The following OTOG variants were observed in gnomAD, a reference collection of about 807,000 sequenced individuals.
OTOG encodes otogelin.
Under a neutral mutation model 313.8 loss-of-function variants are expected in OTOG, and 296 were observed. The observed-to-expected ratio is 0.94, with a 90% CI of 0.86 to 1.04. OTOG has a LOEUF of 1.04. Ranked by LOEUF, OTOG falls within the 50% of genes least tolerant of loss-of-function variation. OTOG has a pLI of 0.00. For synonymous variants in OTOG, 1,533 were observed against 1,554.9 expected (o/e 0.99, Z 0.33); for missense variants, 3,948 against 3,840.1 (o/e 1.03, Z -0.74).
At chr11:17,634,812 G>A (rs914866258) in intron 44 of OTOG, 32 bp from the exon 45 acceptor site, 10 of 1,529,844 alleles carry the variant, frequency 6.5e-6, no homozygotes, top group African/African-American at 4.1e-5. Context: ...ATCCGGCCCC[G>A]AGGTGACAGG....
chr11:17,553,026 G>C, intron 4 of OTOG, 93 bp from the exon 5 acceptor site: 1 of 1,143,764 alleles, frequency 8.7e-7, no homozygotes, highest in Non-Finnish European at 1.3e-6. Context: ...GCCTGTTATG[G>C]GGGTCTGGAT....
At position 17,609,553 on chromosome 11, in the gene OTOG, C is replaced by T. The variant is rs534704305; in HGVS notation, c.4355-102C>T. The T allele has an allele frequency of 3.1e-5, 34 of 1,099,012 alleles. No homozygotes were observed. In the East Asian group the frequency reaches 6.5e-4, roughly 21 times the overall value. 68.1% of individuals were successfully genotyped at this position (1,099,012 alleles called of 1,614,324 possible). On this transcript the variant is annotated intron_variant, in intron 35 of 55. Transcript: ENST00000399397. ...TTAGAAGCTGCCCTCACCCCATCAC[C>T]GAGAGTGCCAGTCCTCAAGCCTCAC...
At chr11:17,555,617 C>T (rs1429222625) in intron 6 of OTOG, 162 bp from the exon 7 acceptor site, 1 of 577,254 alleles carries the variant, frequency 1.7e-6, no homozygotes, top group Non-Finnish European at 3.1e-6. Flanking sequence ...GAATCCATTG[C>T]CTCCCCTCTG....
Position 17,547,278 on chromosome 11 carries a change from C to G in OTOG, c.-95C>G. On this transcript the variant is annotated 5_prime_UTR_variant, in exon 1 of 56. Transcript: ENST00000399397. ...TGGGGCATGAGAACAAGAGGGACCT[C>G]GGCTGCGGAGTGGAGGTGTGACCCT... is the stretch of plus-strand genomic sequence containing the variant. The G allele has an allele frequency of 9.4e-7, 1 of 1,065,824 alleles. No homozygotes were observed. 66.0% of individuals were successfully genotyped at this position (1,065,824 alleles called of 1,614,324 possible).
chr11:17,572,030 CCT>C (rs754458362), intron 17 of OTOG, 48 bp from the exon 18 acceptor site: 21 of 1,548,240 alleles, frequency 1.4e-5, no homozygotes, highest in Non-Finnish European at 1.8e-5. Flanking sequence ...ATTTGTGCCC[CCT>C]GAGTCCACAG....
intron 25 of OTOG, among the ~76,000 whole-genome samples, chr11:17,592,838 A>G (rs1214649987): frequency 6.6e-6 from 1 of 152,222 alleles, no homozygotes; most frequent in Non-Finnish European, 1.5e-5. Context: ...ACATACATTT[A>G]AAATATTCAA....
At chr11:17,591,902 C>T (rs1181932393) in intron 25 of OTOG, among the ~76,000 whole-genome samples, 1 of 152,170 alleles carries the variant, frequency 6.6e-6, no homozygotes, top group Non-Finnish European at 1.5e-5. Flanking sequence ...CATATTGAGC[C>T]ATATTTTGTG....
chr11:17,640,794 T>G lies in OTOG; in HGVS notation c.7985T>G (p.Val2662Gly), dbSNP rs1450284027. The change falls in exon 50 of 56, where the codon GTG becomes GGG. Residue 2662 changes from valine to glycine, a missense_variant. By Grantham distance (109) the Val-to-Gly change is moderately radical. Coordinates refer to ENST00000399397, the MANE Select transcript of OTOG (RefSeq NM_001292063.2). ...DEEFMHSVEN[V>G]CGCAKYECVK... is the part of the protein sequence containing the mutation. ...GAGTTCATGCACAGCGTGGAGAATG[T>G]GTGTGGCTGCGCCAAGTACGAGTGT... The G allele has an allele frequency of 1.3e-6, 2 of 1,550,300 alleles. No homozygotes were observed. The highest frequency in any genetic ancestry group is 2.0e-5 in the Admixed American group (1 of 51,010).
chr11:17,609,052 C>T, intron 34 of OTOG, 78 bp from the exon 35 acceptor site: 1 of 1,144,496 alleles, frequency 8.7e-7, no homozygotes, highest in African/African-American at 1.5e-5. Flanking sequence ...AAGGATAAGG[C>T]CTGTGCTCAA....
chr11:17,567,675 G>A (rs1852316499), intron 15 of OTOG, among the ~76,000 whole-genome samples: 1 of 152,046 alleles, frequency 6.6e-6, no homozygotes. Flanking sequence ...TTTGCCTGAT[G>A]GGTTCTGGTC....
At chr11:17,620,316 T>G (rs772834056) in intron 39 of OTOG, among the ~76,000 whole-genome samples, 2 of 152,212 alleles carry the variant, frequency 1.3e-5, no homozygotes, top group Non-Finnish European at 2.9e-5. Flanking sequence ...ATTCTGAATA[T>G]TTCATATAAG....
At chr11:17,623,709 T>G (rs956797463) in intron 39 of OTOG, among the ~76,000 whole-genome samples, 57 of 152,350 alleles carry the variant, frequency 3.7e-4, no homozygotes, top group African/African-American at 1.3e-3. Flanking sequence ...TTTAGGTCTT[T>G]GAGGAATCAT....
chr11:17,599,092 A>AG (rs1565110769), intron 30 of OTOG, among the ~76,000 whole-genome samples: 1 of 152,136 alleles, frequency 6.6e-6, no homozygotes, highest in Non-Finnish European at 1.5e-5. Flanking sequence ...TCTGCAGCTG[A>AG]GGGGCTAGGG....
intron 39 of OTOG, among the ~76,000 whole-genome samples, chr11:17,614,838 A>G (rs757736750): frequency 2.0e-5 from 3 of 152,258 alleles, no homozygotes; most frequent in Non-Finnish European, 4.4e-5. Flanking sequence ...ATAACAAATA[A>G]AGTGGCTATA....
intron 23 of OTOG, among the ~76,000 whole-genome samples, chr11:17,579,210 C>G (rs1306662626): frequency 1.3e-5 from 2 of 152,172 alleles, no homozygotes; most frequent in Non-Finnish European, 2.9e-5. Context: ...TGCCCTTCAG[C>G]TTATGCAGAG....
chr11:17,572,929 G>A, intron 18 of OTOG, 149 bp from the exon 19 acceptor site: 2 of 739,794 alleles, frequency 2.7e-6, no homozygotes, highest in South Asian at 2.2e-5. Context: ...TACCTTCCCA[G>A]CCAGCTGTAC....
chr11:17,582,092 A>G (rs1419946646), intron 23 of OTOG, among the ~76,000 whole-genome samples: 2 of 152,178 alleles, frequency 1.3e-5, no homozygotes, highest in Non-Finnish European at 2.9e-5. Flanking sequence ...AAATGTACCT[A>G]CTTTTAGTGT....
At chr11:17,557,084 T>A in intron 7 of OTOG, 34 bp from the exon 8 acceptor site, 1 of 1,542,758 alleles carries the variant, frequency 6.5e-7, no homozygotes, top group Non-Finnish European at 8.7e-7. Flanking sequence ...GGAGGTGTTG[T>A]GGATACCCTG....
intron 32 of OTOG, 140 bp downstream of exon 32, chr11:17,602,517 G>T: frequency 1.0e-6 from 1 of 1,003,538 alleles, no homozygotes; most frequent in East Asian, 2.6e-5. Context: ...CAGTTGAGAT[G>T]GTGCTTCTGG....
Sources: gnomAD v4.1 joint callset for allele counts (sites outside exome capture counted in the v4.1 genomes callset) on GRCh38, gnomAD v4.1.1 for gene constraint, MANE v1.5 for transcripts, NCBI Gene and HGNC (gene_info 2026-07-23, HGNC 2026-07-21) for gene names.